Variants in TMEM117 observed in about 807,000 individuals in gnomAD.
The protein encoded by TMEM117 is transmembrane protein 117.
A neutral mutation model predicts 52.4 loss-of-function variants in TMEM117; 27 were observed. That is an observed-to-expected ratio of 0.51 (90% CI 0.38 to 0.71). The LOEUF is 0.71. Among genes scored for constraint, TMEM117 ranks in the 30% least tolerant of loss-of-function variants. The pLI is 0.00. For synonymous variants in TMEM117, 215 were observed against 206.3 expected, an observed-to-expected ratio of 1.04 and a Z score of -0.36; for missense variants, 556 against 630.5, an observed-to-expected ratio of 0.88 and a Z score of 1.26.
At chr12:44,269,180 A>G (rs1950417024) in intron 5 of TMEM117, among the ~76,000 whole-genome samples, 2 of 152,094 alleles carry the variant, frequency 1.3e-5, no homozygotes, top group South Asian at 4.1e-4. Context: ...TAGCTATGTG[A>G]TAATTTTATT....
At chr12:43,797,931 C>G in the TMEM117 span, 3 of 1,205,908 alleles carry the variant, frequency 2.5e-6, no homozygotes, top group Middle Eastern at 4.0e-4. Context: ...TCATTCAACC[C>G]TAGCCCAACC....
At chr12:44,003,978 A>G (rs1287560478) in intron 3 of TMEM117, among the ~76,000 whole-genome samples, 9 of 152,206 alleles carry the variant, frequency 5.9e-5, no homozygotes, top group Non-Finnish European at 7.4e-5. Context: ...GTCCTGTTCT[A>G]CAACCTCAGG....
At chr12:43,939,618 C>G (rs1347804615) in intron 2 of TMEM117, among the ~76,000 whole-genome samples, 1 of 152,180 alleles carries the variant, frequency 6.6e-6, no homozygotes, top group African/African-American at 2.4e-5. Context: ...TCTTCTACCA[C>G]TTTGGCACAA....
intron 3 of TMEM117, among the ~76,000 whole-genome samples, chr12:44,138,666 T>C (rs890892064): frequency 6.6e-6 from 1 of 152,166 alleles, no homozygotes; most frequent in Non-Finnish European, 1.5e-5. Context: ...CATTACAGGC[T>C]ACAGCTAACA....
chr12:43,882,823 G>A (rs1030543733), intron 2 of TMEM117, among the ~76,000 whole-genome samples: 1 of 152,042 alleles, frequency 6.6e-6, no homozygotes, highest in African/African-American at 2.4e-5. Context: ...TTAAGATTCT[G>A]GAATTGGCAA....
the TMEM117 span, among the ~76,000 whole-genome samples, chr12:43,796,588 T>A: frequency 1.3e-5 from 2 of 152,098 alleles, no homozygotes; most frequent in Admixed American, 1.3e-4. Flanking sequence ...GTAGAAATAA[T>A]CACAAGTATG....
the TMEM117 span, chr12:43,802,526 TG>T: frequency 8.3e-7 from 1 of 1,207,866 alleles, no homozygotes; most frequent in Non-Finnish European, 1.2e-6. Flanking sequence ...GGTAGTGTGA[TG>T]AAGACTAGAA....
chr12:43,914,580 G>A lies in TMEM117; in HGVS notation c.278-29630G>A, dbSNP rs376349847. On this transcript the variant is annotated intron_variant, in intron 2 of 7. Coordinates refer to ENST00000266534, the MANE Select transcript of TMEM117 (RefSeq NM_032256.3). ...AATGCATGATAGAGAGGATGGGAGA[G>A]AAAGACAGTGGGGAACAATGGGTTA... Among the ~76,000 whole-genome samples the A allele has an allele frequency of 1.2e-3, 184 of 152,282 alleles. 1 individual carries two copies. The highest frequency in any genetic ancestry group is 4.4e-3 in the African/African-American group (181 of 41,564).
chr12:43,877,126 T>C (rs921195869), intron 2 of TMEM117, among the ~76,000 whole-genome samples: 2 of 152,180 alleles, frequency 1.3e-5, no homozygotes, highest in Non-Finnish European at 2.9e-5. Flanking sequence ...TCCATGTACA[T>C]ACATACATTA....
intron 6 of TMEM117, among the ~76,000 whole-genome samples, chr12:44,337,845 A>C (rs1239633427): frequency 1.3e-5 from 2 of 152,106 alleles, no homozygotes; most frequent in South Asian, 2.1e-4. Flanking sequence ...AAATGTATAA[A>C]TCAAGTGCTG....
intron 5 of TMEM117, among the ~76,000 whole-genome samples, chr12:44,245,048 T>C (rs1429914696): frequency 1.3e-5 from 2 of 152,058 alleles, no homozygotes; most frequent in Non-Finnish European, 2.9e-5. Context: ...CATTGGTTGG[T>C]GTGTCTATTT....
At chr12:44,152,782 G>A (rs1948769940) in intron 4 of TMEM117, among the ~76,000 whole-genome samples, 1 of 133,408 alleles carries the variant, frequency 7.5e-6, no homozygotes, top group African/African-American at 2.8e-5. Context: ...TATAAATATG[G>A]TGTCACATAA....
At chr12:43,815,828 T>C in the TMEM117 span, among the ~76,000 whole-genome samples, 4 of 152,300 alleles carry the variant, frequency 2.6e-5, no homozygotes, top group Non-Finnish European at 4.4e-5. Flanking sequence ...CAATGATAAA[T>C]TGAGACCCAA....
intron 3 of TMEM117, among the ~76,000 whole-genome samples, chr12:44,019,427 C>G (rs1009645064): frequency 6.6e-6 from 1 of 152,058 alleles, no homozygotes; most frequent in Non-Finnish European, 1.5e-5. Flanking sequence ...AGGGTACTGG[C>G]TCATTCAAAT....
At chr12:44,290,237 G>A (rs75269471) in intron 5 of TMEM117, among the ~76,000 whole-genome samples, 7,192 of 151,980 alleles carry the variant, frequency 0.047, 341 homozygotes, top group African/African-American at 0.12. Flanking sequence ...ATGTTATCCC[G>A]TTTGCTTATT....
chr12:44,344,747 C>A (rs1951462216), intron 6 of TMEM117, among the ~76,000 whole-genome samples: 1 of 152,002 alleles, frequency 6.6e-6, no homozygotes, highest in African/African-American at 2.4e-5. Context: ...AGTCCTGTGT[C>A]CAGTCAGTAT....
At chr12:44,183,032 T>C (rs1949226990) in intron 4 of TMEM117, among the ~76,000 whole-genome samples, 1 of 152,244 alleles carries the variant, frequency 6.6e-6, no homozygotes, top group South Asian at 2.1e-4. Context: ...AATTGTTTTG[T>C]TTTTCTTTCA....
chr12:43,986,659 C>G (rs1389633295), intron 3 of TMEM117, among the ~76,000 whole-genome samples: 1 of 152,160 alleles, frequency 6.6e-6, no homozygotes, highest in Non-Finnish European at 1.5e-5. Flanking sequence ...ACCATTATCT[C>G]TTTAACTATT....
At chr12:44,023,667 G>A (rs1298971506) in intron 3 of TMEM117, among the ~76,000 whole-genome samples, 4 of 151,664 alleles carry the variant, frequency 2.6e-5, no homozygotes, top group African/African-American at 7.3e-5. Flanking sequence ...CTTTTTGATG[G>A]GGTTGTTTGT....
Sources: allele counts gnomAD v4.1 joint callset (sites outside exome capture counted in the v4.1 genomes callset), GRCh38; gene constraint gnomAD v4.1.1; transcripts MANE v1.5; gene names NCBI Gene and HGNC (gene_info 2026-07-23, HGNC 2026-07-21).